Variants in ESR2 observed in about 807,000 individuals in gnomAD.
ESR2 encodes the protein estrogen receptor 2.
ESR2 carries 36 observed loss-of-function variants against 49.6 expected under a neutral mutation model. The observed-to-expected ratio is 0.73, with a 90% CI of 0.56 to 0.96. The LOEUF (loss-of-function observed/expected upper bound fraction) is 0.96, where lower values mean the gene tolerates loss of function less well. Among genes scored for constraint, ESR2 ranks in the 40% least tolerant of loss-of-function variants. ESR2 has a pLI of 0.00. For synonymous variants in ESR2, 320 were observed against 266.1 expected (o/e 1.20, Z -1.97); for missense variants, 714 against 693.0 (o/e 1.03, Z -0.34).
At chr14:64,227,390 TTTTTAACCACATAACTAACTTCAAAGTA>T (rs1252673681), downstream of ESR2, 1 of 916,626 alleles carries the variant, frequency 1.1e-6, no homozygotes, top group Non-Finnish European at 1.6e-6. Flanking sequence ...AGGAAGGTGG[TTTTTAACCACATAACTAACTTCAAAGTA>T]TTTTAACTCT....
At chr14:64,258,656 T>A (rs2076153257) in intron 5 of ESR2, among the ~76,000 whole-genome samples, 1 of 152,076 alleles carries the variant, frequency 6.6e-6, no homozygotes, top group Non-Finnish European at 1.5e-5. Flanking sequence ...ATAACGCAAA[T>A]CTGCCTCAAG....
intron 6 of ESR2, among the ~76,000 whole-genome samples, chr14:64,251,978 G>C (rs2075996926): frequency 6.6e-6 from 1 of 152,140 alleles, no homozygotes; most frequent in South Asian, 2.1e-4. Context: ...GATTGAAACT[G>C]AATTATGAGT....
intron 7 of ESR2, among the ~76,000 whole-genome samples, chr14:64,246,663 C>A (rs529670581): frequency 1.6e-5 from 2 of 125,512 alleles, no homozygotes; most frequent in East Asian, 5.4e-4. Flanking sequence ...ACCTGGGAGG[C>A]GGAGGTTTCA....
intron 1 of ESR2, among the ~76,000 whole-genome samples, chr14:64,311,015 C>CA (rs1555595689): frequency 6.6e-6 from 1 of 152,080 alleles, no homozygotes; most frequent in Non-Finnish European, 1.5e-5. Context: ...TCCTTCCCCG[C>CA]AAAATGGAGC....
intron 1 of ESR2, among the ~76,000 whole-genome samples, chr14:64,320,239 C>T (rs186149456): frequency 6.6e-5 from 10 of 152,140 alleles, no homozygotes; most frequent in South Asian, 2.1e-4. Context: ...TCCAAATACA[C>T]GACATTCTGG....
At chr14:64,308,206 G>A (rs8012102) in intron 1 of ESR2, among the ~76,000 whole-genome samples, 7,868 of 151,934 alleles carry the variant, frequency 0.052, 536 homozygotes, top group East Asian at 0.37. Flanking sequence ...GTAGAGAGGC[G>A]GTCTCACCAT....
At chr14:64,237,334 TAC>T (rs1784049848) in intron 7 of ESR2, among the ~76,000 whole-genome samples, 1 of 152,200 alleles carries the variant, frequency 6.6e-6, no homozygotes, top group African/African-American at 2.4e-5. Context: ...ATGTTTTAGG[TAC>T]ACACAGAAAA....
At chr14:64,273,452 T>C (rs540944323) in intron 3 of ESR2, among the ~76,000 whole-genome samples, 1 of 152,300 alleles carries the variant, frequency 6.6e-6, no homozygotes, top group Admixed American at 6.5e-5. Context: ...GTCTGTTATA[T>C]GTCTGTTATT....
upstream of ESR2, among the ~76,000 whole-genome samples, chr14:64,296,143 A>C (rs2070059705): frequency 6.6e-6 from 1 of 152,146 alleles, no homozygotes; most frequent in Admixed American, 6.6e-5. Context: ...AATTTCAACC[A>C]TAAGCCAACA....
chr14:64,313,878 C>CAAAAAAA (rs58601573), intron 1 of ESR2, among the ~76,000 whole-genome samples: 1 of 95,906 alleles, frequency 1.0e-5, no homozygotes, highest in Non-Finnish European at 2.2e-5. Flanking sequence ...GACTCTGTCT[C>CAAAAAAA]AAAAAAAAAA....
chr14:64,248,698 C>G (rs1199158367), intron 7 of ESR2, among the ~76,000 whole-genome samples: 1 of 151,976 alleles, frequency 6.6e-6, no homozygotes, highest in African/African-American at 2.4e-5. Context: ...TCTGCATATC[C>G]TAGACACCTT....
At chr14:64,319,252 C>G (rs1159795949) in intron 1 of ESR2, among the ~76,000 whole-genome samples, 1 of 152,178 alleles carries the variant, frequency 6.6e-6, no homozygotes, top group Non-Finnish European at 1.5e-5. Context: ...ACACAGACCT[C>G]ATACCACCTT....
rs3034336 is a variant in ESR2 at position 64,280,224 on chromosome 14, A to AG, written c.363-72_363-71insC. The AG allele has an allele frequency of 1.3e-3, 1,530 of 1,149,900 alleles. 25 individuals carry two copies. The African/African-American group carries it at 0.021, about 16-fold the overall frequency. The allele number at this position is 1,149,900 out of a possible 1,614,324, so 71.2% of individuals were successfully genotyped here. On this transcript the variant is annotated intron_variant, in intron 2 of 8. Coordinates refer to ENST00000341099, the MANE Select transcript of ESR2 (RefSeq NM_001437.3). ...AGGAAGGGCTTTCTAGGAAAAAAAA[A>AG]TAGCATGAACATTGCCTAATTTAAT...
chr14:64,265,857 A>G lies in ESR2; in HGVS notation c.652+2938T>C, dbSNP rs115220102. Among the ~76,000 whole-genome samples the G allele has an allele frequency of 9.1e-3, 1,381 of 152,336 alleles. 22 individuals carry two copies. The highest frequency in any genetic ancestry group is 0.032 in the African/African-American group (1,320 of 41,574). The stretch of plus-strand genomic sequence containing the variant: ...AAGCAGGATGGTGCAGGAGGATCCA[A>G]CAAGCAGGTAGAATCTCTAGTCCTC... On this transcript the variant is annotated intron_variant, in intron 4 of 8. Transcript: ENST00000341099.
At chr14:64,297,600 A>G (rs2076973383), upstream of ESR2, 1 of 152,238 alleles carries the variant, frequency 6.6e-6, no homozygotes, top group Non-Finnish European at 1.5e-5. Context: ...TCCATGGTCC[A>G]TAACACCCAC....
intron 3 of ESR2, among the ~76,000 whole-genome samples, chr14:64,277,826 CTT>C (rs924628415): frequency 1.3e-5 from 2 of 152,178 alleles, no homozygotes; most frequent in African/African-American, 4.8e-5. Flanking sequence ...ACTCTTTCCT[CTT>C]TGCACATTTA....
chr14:64,233,073 G>T lies in ESR2; in HGVS notation c.*64C>A. 6.4e-7 allele frequency: 1 copy of T among 1,565,576 alleles called. No individual in the cohort carries two copies. Among genetic ancestry groups the T allele is most frequent in the South Asian group, 1.2e-5 (1 of 84,852 alleles). On this transcript the variant is annotated 3_prime_UTR_variant, in exon 9 of 9. Coordinates refer to ENST00000341099, the MANE Select transcript of ESR2 (RefSeq NM_001437.3). ...GCAGAAAGATGAAGCCCAGGCTCCT[G>T]ACACACTGGAGTTCACGCTTCAGCC...
chr14:64,319,731 A>G (rs2077303123), intron 1 of ESR2, among the ~76,000 whole-genome samples: 1 of 152,226 alleles, frequency 6.6e-6, no homozygotes, highest in African/African-American at 2.4e-5. Flanking sequence ...ATGAGATACC[A>G]CTACACACCT....
At chr14:64,252,324 C>A (rs1037401456) in intron 6 of ESR2, among the ~76,000 whole-genome samples, 27 of 148,502 alleles carry the variant, frequency 1.8e-4, no homozygotes, top group African/African-American at 4.2e-4. Context: ...AAAAAAAAAA[C>A]AAAAACAAAA....
Sources: gnomAD v4.1 joint callset for allele counts (sites outside exome capture counted in the v4.1 genomes callset) on GRCh38, gnomAD v4.1.1 for gene constraint, MANE v1.5 for transcripts, NCBI Gene and HGNC (gene_info 2026-07-23, HGNC 2026-07-21) for gene names.